The following ARHGAP24 variants were observed in gnomAD, a reference collection of about 807,000 sequenced individuals.
ARHGAP24 encodes Rho GTPase activating protein 24, also known as rho GTPase-activating protein 24.
Under a neutral mutation model 76.4 loss-of-function variants are expected in ARHGAP24, and 50 were observed. The observed-to-expected ratio is 0.65, with a 90% CI of 0.52 to 0.83. ARHGAP24 has a LOEUF of 0.83. Ranked by LOEUF, ARHGAP24 falls within the 40% of genes least tolerant of loss-of-function variation. The probability of loss-of-function intolerance (pLI) is 0.00; values close to 1 mark genes in which losing one functional copy is unlikely to be tolerated. For missense variants in ARHGAP24, 930 were observed against 914.2 expected (o/e 1.02, Z -0.22); for synonymous variants, 345 against 323.3 (o/e 1.07, Z -0.72).
chr4:85,709,742 A>C (rs533142266), intron 2 of ARHGAP24, among the ~76,000 whole-genome samples: 11 of 152,228 alleles, frequency 7.2e-5, no homozygotes, highest in African/African-American at 2.6e-4. Context: ...AACTGTCAAG[A>C]CACAAACCAA....
chr4:85,643,737 C>G (rs1015290012), intron 2 of ARHGAP24, among the ~76,000 whole-genome samples: 4 of 151,946 alleles, frequency 2.6e-5, no homozygotes, highest in African/African-American at 9.7e-5. Context: ...GTTTTATTCC[C>G]CAAAAGAGTA....
chr4:85,515,545 C>T (rs1168224529), intron 1 of ARHGAP24, among the ~76,000 whole-genome samples: 1 of 151,696 alleles, frequency 6.6e-6, no homozygotes, highest in East Asian at 1.9e-4. Context: ...GGATGTTATA[C>T]ACACTCAGCT....
At position 85,664,132 on chromosome 4, in the gene ARHGAP24, A is replaced by G. The variant is rs1181506658; in HGVS notation, c.181-57753A>G. ...TCTGGTAGAATTCGGCTGTGAATCC[A>G]TCTGGTCCTGGACTCTTTTTTGTTG... On this transcript the variant is annotated intron_variant, in intron 2 of 9. Transcript: ENST00000395184. Among the ~76,000 whole-genome samples, 5 of 151,532 alleles carry G rather than the reference A, an allele frequency of 3.3e-5. No individual in the cohort carries two copies. The East Asian group carries it at 5.8e-4, about 18-fold the overall frequency.
chr4:85,737,255 C>T (rs1725640049), intron 3 of ARHGAP24, among the ~76,000 whole-genome samples: 1 of 152,142 alleles, frequency 6.6e-6, no homozygotes, highest in African/African-American at 2.4e-5. Context: ...GTAAAATTCA[C>T]CCATTCTGTT....
intron 2 of ARHGAP24, among the ~76,000 whole-genome samples, chr4:85,683,345 G>A (rs1479959951): frequency 6.6e-6 from 1 of 152,022 alleles, no homozygotes; most frequent in African/African-American, 2.4e-5. Context: ...TTCTATCCTA[G>A]CCCATGAAGG....
At chr4:85,671,697 TCAGAG>T (rs1722820946) in intron 2 of ARHGAP24, among the ~76,000 whole-genome samples, 1 of 152,202 alleles carries the variant, frequency 6.6e-6, no homozygotes, top group Non-Finnish European at 1.5e-5. Flanking sequence ...TTTATGTGAT[TCAGAG>T]CAGAGCTTTC....
intron 1 of ARHGAP24, among the ~76,000 whole-genome samples, chr4:85,485,449 G>A (rs1401038907): frequency 8.2e-6 from 1 of 121,296 alleles, no homozygotes; most frequent in East Asian, 2.6e-4. Context: ...CTTTCAGTAG[G>A]TATATATATT....
chr4:85,782,569 G>C (rs527548574), intron 3 of ARHGAP24, among the ~76,000 whole-genome samples: 1 of 152,290 alleles, frequency 6.6e-6, no homozygotes, highest in East Asian at 1.9e-4. Flanking sequence ...CAGTGAGCAA[G>C]ATTTATGTTT....
At chr4:85,655,110 C>T (rs1199291357) in intron 2 of ARHGAP24, among the ~76,000 whole-genome samples, 4 of 151,994 alleles carry the variant, frequency 2.6e-5, no homozygotes, top group African/African-American at 9.7e-5. Context: ...TAGCTTATAG[C>T]TCTTTTTAGG....
chr4:85,866,401 C>A (rs1014202177), intron 3 of ARHGAP24, among the ~76,000 whole-genome samples: 4 of 152,084 alleles, frequency 2.6e-5, no homozygotes, highest in Non-Finnish European at 4.4e-5. Flanking sequence ...GCTTACCCTG[C>A]CTGCCAGCAA....
intron 3 of ARHGAP24, among the ~76,000 whole-genome samples, chr4:85,916,277 A>C (rs1018834145): frequency 2.6e-5 from 4 of 151,958 alleles, no homozygotes; most frequent in African/African-American, 9.7e-5. Context: ...TTTCTCTTGT[A>C]GTTTATTTAA....
At chr4:85,560,958 C>T (rs886436358) in intron 1 of ARHGAP24, among the ~76,000 whole-genome samples, 1 of 152,140 alleles carries the variant, frequency 6.6e-6, no homozygotes, top group African/African-American at 2.4e-5. Context: ...TTAATGTAGA[C>T]CCCAAAGACT....
intron 1 of ARHGAP24, among the ~76,000 whole-genome samples, chr4:85,481,347 C>T (rs749831237): frequency 6.6e-6 from 1 of 152,204 alleles, no homozygotes; most frequent in Non-Finnish European, 1.5e-5. Flanking sequence ...CCTTTCCTCT[C>T]AGTGCTTTTC....
chr4:85,828,015 T>A (rs1729805218), intron 3 of ARHGAP24: 1 of 1,265,124 alleles, frequency 7.9e-7, no homozygotes, highest in East Asian at 5.6e-5. Flanking sequence ...GGAGACAAAT[T>A]GCCAGGTATT....
At chr4:85,783,529 G>A (rs766121449) in intron 3 of ARHGAP24, among the ~76,000 whole-genome samples, 19 of 151,732 alleles carry the variant, frequency 1.3e-4, no homozygotes, top group Non-Finnish European at 2.4e-4. Flanking sequence ...TAGAACCTTG[G>A]CTTCCAAGCT....
chr4:85,895,703 G>C (rs1441038156), intron 3 of ARHGAP24, among the ~76,000 whole-genome samples: 1 of 152,030 alleles, frequency 6.6e-6, no homozygotes. Flanking sequence ...GTGATTCTAG[G>C]CACAAATATC....
chr4:85,838,092 A>G (rs1052048319), intron 3 of ARHGAP24, among the ~76,000 whole-genome samples: 3 of 152,198 alleles, frequency 2.0e-5, no homozygotes, highest in Admixed American at 6.5e-5. Context: ...TCTCCTAAGC[A>G]TCTACATTAC....
intron 1 of ARHGAP24, among the ~76,000 whole-genome samples, chr4:85,559,647 G>T (rs1298731334): frequency 1.3e-5 from 2 of 152,164 alleles, no homozygotes; most frequent in Non-Finnish European, 2.9e-5. Flanking sequence ...ACACACAAAA[G>T]CTTAAAAATT....
intron 1 of ARHGAP24, among the ~76,000 whole-genome samples, chr4:85,478,920 C>A (rs1722706122): frequency 6.6e-6 from 1 of 152,100 alleles, no homozygotes; most frequent in African/African-American, 2.4e-5. Context: ...TATGTATTTC[C>A]CCTGTCCTCT....
Sources: gnomAD v4.1 joint callset for allele counts (sites outside exome capture counted in the v4.1 genomes callset) on GRCh38, gnomAD v4.1.1 for gene constraint, MANE v1.5 for transcripts, NCBI Gene and HGNC (gene_info 2026-07-23, HGNC 2026-07-21) for gene names.